The following ST6GALNAC3 variants were observed in gnomAD, a reference collection of about 807,000 sequenced individuals.
ST6GALNAC3 encodes the protein ST6 N-acetylgalactosaminide alpha-2,6-sialyltransferase 3.
Under a neutral mutation model 32.7 loss-of-function variants are expected in ST6GALNAC3, and 25 were observed. The observed-to-expected ratio is 0.76, with a 90% CI of 0.56 to 1.07. The LOEUF is 1.07. Among genes scored for constraint, ST6GALNAC3 ranks in the 50% least tolerant of loss-of-function variants. The pLI is 0.00. For synonymous variants in ST6GALNAC3, 129 were observed against 133.1 expected (o/e 0.97, Z 0.21); for missense variants, 355 against 382.4 (o/e 0.93, Z 0.60).
intron 1 of ST6GALNAC3, among the ~76,000 whole-genome samples, chr1:76,169,093 T>C (rs1652310382): frequency 6.6e-6 from 1 of 152,124 alleles, no homozygotes; most frequent in Admixed American, 6.6e-5. Flanking sequence ...CTGGTAATGC[T>C]TTCCTTTCCA....
At chr1:76,442,428 T>G (rs907605258) in intron 3 of ST6GALNAC3, among the ~76,000 whole-genome samples, 2 of 152,270 alleles carry the variant, frequency 1.3e-5, no homozygotes, top group Admixed American at 6.5e-5. Flanking sequence ...TCTTTTGGAA[T>G]ATCTGCATCA....
At chr1:76,551,024 C>T (rs1413646391) in intron 3 of ST6GALNAC3, among the ~76,000 whole-genome samples, 2 of 152,126 alleles carry the variant, frequency 1.3e-5, no homozygotes, top group Non-Finnish European at 2.9e-5. Flanking sequence ...CTGCCTGCAC[C>T]GGCTTGCCAA....
chr1:76,294,177 A>G (rs960323237), intron 1 of ST6GALNAC3, among the ~76,000 whole-genome samples: 1 of 152,080 alleles, frequency 6.6e-6, no homozygotes, highest in Non-Finnish European at 1.5e-5. Context: ...ACATAATGTC[A>G]TGTCTTTACT....
At chr1:76,324,061 T>G (rs1354628295) in intron 2 of ST6GALNAC3, among the ~76,000 whole-genome samples, 1 of 151,858 alleles carries the variant, frequency 6.6e-6, no homozygotes, top group African/African-American at 2.4e-5. Flanking sequence ...GGTTTCACCA[T>G]GTTGCCCAAG....
intron 3 of ST6GALNAC3, among the ~76,000 whole-genome samples, chr1:76,586,225 T>G (rs931849144): frequency 2.0e-5 from 3 of 152,240 alleles, no homozygotes; most frequent in Admixed American, 2.0e-4. Context: ...AATGTTGAGA[T>G]GTACTGTGTC....
At chr1:76,398,226 T>A (rs1195876440) in intron 2 of ST6GALNAC3, among the ~76,000 whole-genome samples, 1 of 152,226 alleles carries the variant, frequency 6.6e-6, no homozygotes, top group Admixed American at 6.5e-5. Flanking sequence ...GACAAATCTC[T>A]TTAGTGAATG....
rs371746810 is a variant in ST6GALNAC3 at position 76,366,367 on chromosome 1, G to C, written c.214-45641G>C. On this transcript the variant is annotated intron_variant, in intron 2 of 4. Coordinates refer to ENST00000328299, the MANE Select transcript of ST6GALNAC3 (RefSeq NM_152996.4). Reference sequence around the variant, plus strand: ...AAATGAAGTACATACTATTTATCTGGTTATACATTTTAAAGTAGATTCTAA... The same window carrying C: ...AAATGAAGTACATACTATTTATCTGCTTATACATTTTAAAGTAGATTCTAA... 6.6e-5 allele frequency among the ~76,000 whole-genome samples: 10 copies of C among 152,088 alleles called. No individual in the cohort carries two copies. The South Asian group carries it at 1.2e-3, about 19-fold the overall frequency.
chr1:76,534,435 A>G (rs899724691), intron 3 of ST6GALNAC3, among the ~76,000 whole-genome samples: 4 of 152,088 alleles, frequency 2.6e-5, no homozygotes, highest in Non-Finnish European at 5.9e-5. Flanking sequence ...TAATGTACAC[A>G]TCGAGATCCC....
intron 2 of ST6GALNAC3, among the ~76,000 whole-genome samples, chr1:76,372,979 TA>T (rs1650945630): frequency 6.6e-6 from 1 of 152,142 alleles, no homozygotes; most frequent in Admixed American, 6.6e-5. Flanking sequence ...TTACTTTTTG[TA>T]GAGATAGGGT....
chr1:76,559,420 G>A (rs186221594), intron 3 of ST6GALNAC3, among the ~76,000 whole-genome samples: 87 of 152,256 alleles, frequency 5.7e-4, no homozygotes, highest in Non-Finnish European at 1.6e-4. Context: ...ACTCCTGCAG[G>A]AAAACAGAAG....
At chr1:76,283,852 A>C (rs772774899) in intron 1 of ST6GALNAC3, among the ~76,000 whole-genome samples, 15 of 152,272 alleles carry the variant, frequency 9.9e-5, no homozygotes, top group Middle Eastern at 3.4e-3. Context: ...TATCTCACAT[A>C]CTTGGTGTTT....
At chr1:76,357,609 T>A (rs1214555302) in intron 2 of ST6GALNAC3, among the ~76,000 whole-genome samples, 2 of 152,216 alleles carry the variant, frequency 1.3e-5, no homozygotes, top group Non-Finnish European at 2.9e-5. Context: ...CTTTAGAATG[T>A]TAATAACAAA....
chr1:76,584,895 T>C (rs1646938463), intron 3 of ST6GALNAC3, among the ~76,000 whole-genome samples: 1 of 152,170 alleles, frequency 6.6e-6, no homozygotes, highest in Non-Finnish European at 1.5e-5. Context: ...CCTTATGTAA[T>C]ATATTGCCAC....
At chr1:76,609,339 C>T (rs1005745053) in intron 3 of ST6GALNAC3, among the ~76,000 whole-genome samples, 3 of 152,016 alleles carry the variant, frequency 2.0e-5, no homozygotes, top group African/African-American at 4.8e-5. Flanking sequence ...TAACATATAT[C>T]GCTAGTATTT....
intron 2 of ST6GALNAC3, among the ~76,000 whole-genome samples, chr1:76,379,772 G>A (rs1651557637): frequency 6.6e-6 from 1 of 152,152 alleles, no homozygotes; most frequent in African/African-American, 2.4e-5. Flanking sequence ...TCTGTGCCAG[G>A]TGCTCCACAT....
intron 3 of ST6GALNAC3, among the ~76,000 whole-genome samples, chr1:76,617,559 T>C (rs962935683): frequency 6.6e-6 from 1 of 152,136 alleles, no homozygotes; most frequent in Non-Finnish European, 1.5e-5. Context: ...TTAAGATAAG[T>C]TGAAGGGTAA....
chr1:76,227,200 C>T (rs1656125503), intron 1 of ST6GALNAC3, among the ~76,000 whole-genome samples: 1 of 152,148 alleles, frequency 6.6e-6, no homozygotes, highest in Admixed American at 6.5e-5. Flanking sequence ...TGCCTTCCAC[C>T]TCTGCATTCA....
chr1:76,144,817 A>G (rs1262258070), intron 1 of ST6GALNAC3, among the ~76,000 whole-genome samples: 1 of 152,176 alleles, frequency 6.6e-6, no homozygotes, highest in Non-Finnish European at 1.5e-5. Context: ...TTGGTTACCA[A>G]CTGGTTTGGG....
Position 76,412,959 on chromosome 1 carries a change from C to T in ST6GALNAC3, c.623+542C>T, listed in dbSNP as rs778505442. ...AGCAGAATACCATATTGAAATTATA[C>T]GTCCCTTAAAATCATTAGCAGTTGA... On this transcript the variant is annotated intron_variant, in intron 3 of 4. Transcript: ENST00000328299. 24 of 340,680 alleles carry T rather than the reference C, an allele frequency of 7.0e-5. 1 individual carries two copies. The highest frequency in any genetic ancestry group is 3.7e-4 in the Middle Eastern group (1 of 2,696). 21.1% of individuals were successfully genotyped at this position (340,680 alleles called of 1,614,324 possible).
Sources: allele counts gnomAD v4.1 joint callset (sites outside exome capture counted in the v4.1 genomes callset), GRCh38; gene constraint gnomAD v4.1.1; transcripts MANE v1.5; gene names NCBI Gene and HGNC (gene_info 2026-07-23, HGNC 2026-07-21).